The following EPHA6 variants were observed in gnomAD, a reference collection of about 807,000 sequenced individuals.
EPHA6 encodes ephrin type-A receptor 6.
Under a neutral mutation model 112.0 loss-of-function variants are expected in EPHA6, and 50 were observed. That is an observed-to-expected ratio of 0.45 (90% CI 0.36 to 0.56). EPHA6 has a LOEUF of 0.56. Among genes scored for constraint, EPHA6 ranks in the 20% least tolerant of loss-of-function variants. The pLI is 0.00. For missense variants in EPHA6, 1,280 were observed against 1,417.4 expected (o/e 0.90, Z 1.56); for synonymous variants, 529 against 490.7 (o/e 1.08, Z -1.03).
chr3:97,354,897 G>A (rs2083990593), intron 5 of EPHA6, among the ~76,000 whole-genome samples: 1 of 152,182 alleles, frequency 6.6e-6, no homozygotes, highest in African/African-American at 2.4e-5. Flanking sequence ...GCTCCAATAT[G>A]TCTGGCAGAA....
At chr3:97,511,495 C>G (rs1366120544) in intron 10 of EPHA6, among the ~76,000 whole-genome samples, 1 of 152,156 alleles carries the variant, frequency 6.6e-6, no homozygotes, top group Non-Finnish European at 1.5e-5. Flanking sequence ...TTCGGCTCAC[C>G]CTCCATGGGC....
At chr3:96,882,022 A>G (rs905702374) in intron 2 of EPHA6, among the ~76,000 whole-genome samples, 4 of 152,128 alleles carry the variant, frequency 2.6e-5, no homozygotes, top group Non-Finnish European at 5.9e-5. Context: ...GGCTGCTTTC[A>G]TGGGCTGCCA....
At chr3:97,406,966 A>C (rs892431355) in intron 6 of EPHA6, among the ~76,000 whole-genome samples, 10 of 152,162 alleles carry the variant, frequency 6.6e-5, no homozygotes, top group Admixed American at 1.3e-4. Flanking sequence ...CAATGTGCAT[A>C]TATATACAAG....
intron 7 of EPHA6, among the ~76,000 whole-genome samples, chr3:97,459,225 A>T (rs1365305862): frequency 3.3e-5 from 5 of 152,214 alleles, no homozygotes; most frequent in African/African-American, 1.2e-4. Context: ...GAATGTCAGT[A>T]TAGCTAGAAC....
chr3:97,131,210 A>C (rs113462731), intron 3 of EPHA6, among the ~76,000 whole-genome samples: 1 of 152,142 alleles, frequency 6.6e-6, no homozygotes, highest in Non-Finnish European at 1.5e-5. Context: ...TCTACATTAT[A>C]TGAATGTATA....
chr3:96,886,655 A>C (rs1319040930), intron 2 of EPHA6, among the ~76,000 whole-genome samples: 1 of 152,102 alleles, frequency 6.6e-6, no homozygotes, highest in Non-Finnish European at 1.5e-5. Flanking sequence ...TTATAAATGG[A>C]GCATTTAGGC....
chr3:97,325,359 C>T (rs1298138966), intron 5 of EPHA6, among the ~76,000 whole-genome samples: 6 of 152,192 alleles, frequency 3.9e-5, no homozygotes. Context: ...TTCACTGTGT[C>T]CTCACTGGTC....
chr3:97,646,249 G>A, intron 14 of EPHA6: 1 of 1,535,280 alleles, frequency 6.5e-7, no homozygotes, highest in Non-Finnish European at 8.7e-7. Context: ...AGAAACAGAA[G>A]GGCCATGGGA....
intron 5 of EPHA6, among the ~76,000 whole-genome samples, chr3:97,247,427 A>T (rs546797425): frequency 6.6e-6 from 1 of 152,024 alleles, no homozygotes; most frequent in African/African-American, 2.4e-5. Flanking sequence ...ACTGCTAAGG[A>T]GAAGCCTAGG....
chr3:97,262,754 G>A (rs1225784244), intron 5 of EPHA6, among the ~76,000 whole-genome samples: 1 of 151,764 alleles, frequency 6.6e-6, no homozygotes, highest in African/African-American at 2.4e-5. Context: ...TGCCAACTTA[G>A]TCATATGTTT....
At chr3:97,736,950 C>G (rs1006756954) in intron 16 of EPHA6, among the ~76,000 whole-genome samples, 2 of 151,982 alleles carry the variant, frequency 1.3e-5, no homozygotes, top group Non-Finnish European at 2.9e-5. Context: ...AGACATTCAC[C>G]TTCAGATCAC....
chr3:97,440,974 A>G (rs969178136), intron 6 of EPHA6, among the ~76,000 whole-genome samples: 2 of 152,018 alleles, frequency 1.3e-5, no homozygotes, highest in Admixed American at 1.3e-4. Flanking sequence ...AGATTTGAAT[A>G]TAGCGTAAAA....
intron 7 of EPHA6, among the ~76,000 whole-genome samples, chr3:97,449,951 T>C (rs1398317275): frequency 2.6e-5 from 4 of 152,134 alleles, no homozygotes; most frequent in African/African-American, 7.2e-5. Context: ...AAGAACTTCT[T>C]TGTTACAATT....
At chr3:97,467,812 A>G (rs894549217) in intron 7 of EPHA6, among the ~76,000 whole-genome samples, 3 of 151,742 alleles carry the variant, frequency 2.0e-5, no homozygotes, top group African/African-American at 7.2e-5. Context: ...AATTTGTTAT[A>G]TGAAGGCTAC....
At chr3:97,164,979 C>T (rs1189609132) in intron 3 of EPHA6, among the ~76,000 whole-genome samples, 5 of 152,082 alleles carry the variant, frequency 3.3e-5, no homozygotes. Context: ...CTTTATTTCT[C>T]ACCACTGCCA....
intron 2 of EPHA6, among the ~76,000 whole-genome samples, chr3:96,905,567 A>G (rs974377504): frequency 3.3e-5 from 5 of 152,166 alleles, no homozygotes; most frequent in African/African-American, 1.2e-4. Context: ...CAAATTAAGT[A>G]TCTCACAATT....
At chr3:96,916,113 A>G (rs905507664) in intron 2 of EPHA6, among the ~76,000 whole-genome samples, 3 of 152,166 alleles carry the variant, frequency 2.0e-5, no homozygotes, top group African/African-American at 7.2e-5. Context: ...TAAAGAGAAG[A>G]TGGAGGATAG....
intron 11 of EPHA6, among the ~76,000 whole-genome samples, chr3:97,568,244 C>T (rs981248119): frequency 2.0e-5 from 3 of 152,198 alleles, no homozygotes; most frequent in African/African-American, 4.8e-5. Context: ...AAATAAATTA[C>T]ATCAATCATC....
chr3:97,079,941 A>C (rs1363160580), intron 3 of EPHA6, among the ~76,000 whole-genome samples: 3 of 151,952 alleles, frequency 2.0e-5, no homozygotes, highest in African/African-American at 7.2e-5. Flanking sequence ...AAGGTACGTA[A>C]ATTGTTTTCA....
Sources: allele counts gnomAD v4.1 joint callset (sites outside exome capture counted in the v4.1 genomes callset), GRCh38; gene constraint gnomAD v4.1.1; transcripts MANE v1.5; gene names NCBI Gene and HGNC (gene_info 2026-07-23, HGNC 2026-07-21).